GLIS3: variants seen among roughly 807,000 people sequenced by gnomAD.
The protein encoded by GLIS3 is zinc finger protein GLIS3.
A neutral mutation model predicts 78.6 loss-of-function variants in GLIS3; 53 were observed. The ratio of observed to expected loss-of-function variants is 0.67; its 90% CI spans 0.54 to 0.85. The LOEUF is 0.85. GLIS3 is among the 40% of genes least tolerant of loss of function. GLIS3 has a pLI of 0.00. For missense variants in GLIS3, 1,703 were observed against 1,231.1 expected, an observed-to-expected ratio of 1.38 and a Z score of -5.74; for synonymous variants, 684 against 509.9, an observed-to-expected ratio of 1.34 and a Z score of -4.60.
intron 7 of GLIS3, among the ~76,000 whole-genome samples, chr9:3,892,208 C>T (rs1822506532): frequency 6.6e-6 from 1 of 151,968 alleles, no homozygotes; most frequent in Non-Finnish European, 1.5e-5. Context: ...CAGGAGCAAA[C>T]CCAGGTCACA....
At chr9:4,374,016 G>A in the GLIS3 span, among the ~76,000 whole-genome samples, 1 of 152,022 alleles carries the variant, frequency 6.6e-6, no homozygotes, top group East Asian at 1.9e-4. Context: ...TTCATACATG[G>A]GCACCTTTTT....
chr9:4,060,831 T>G (rs1007449150), intron 4 of GLIS3, among the ~76,000 whole-genome samples: 1 of 152,196 alleles, frequency 6.6e-6, no homozygotes, highest in Non-Finnish European at 1.5e-5. Flanking sequence ...GACATATTAA[T>G]TTATTCTTCT....
the GLIS3 span, among the ~76,000 whole-genome samples, chr9:4,471,364 G>C: frequency 6.6e-6 from 1 of 152,152 alleles, no homozygotes; most frequent in African/African-American, 2.4e-5. Context: ...TATACTGCCA[G>C]GCTACAGTAA....
chr9:4,321,285 G>T (rs1297932183), intron 2 of GLIS3, among the ~76,000 whole-genome samples: 3 of 131,342 alleles, frequency 2.3e-5, no homozygotes, highest in Non-Finnish European at 4.6e-5. Flanking sequence ...AGCCGGGAGT[G>T]GTGGCGGGCG....
chr9:4,356,318 T>C, the GLIS3 span, among the ~76,000 whole-genome samples: 6 of 152,202 alleles, frequency 3.9e-5, no homozygotes, highest in African/African-American at 1.2e-4. Flanking sequence ...AGTGTCTTTC[T>C]TTTGCATCAC....
intron 9 of GLIS3, among the ~76,000 whole-genome samples, chr9:3,854,930 T>C (rs1819668312): frequency 6.6e-6 from 1 of 152,224 alleles, no homozygotes; most frequent in Non-Finnish European, 1.5e-5. Flanking sequence ...ATTTGCATAT[T>C]GATTTAGATT....
intron 2 of GLIS3, among the ~76,000 whole-genome samples, chr9:4,257,674 G>C (rs199576997): frequency 6.6e-6 from 1 of 151,792 alleles, no homozygotes. Flanking sequence ...CCCGGGTTCA[G>C]GCCATTCCCC....
the GLIS3 span, among the ~76,000 whole-genome samples, chr9:4,384,910 A>C: frequency 6.6e-6 from 1 of 151,944 alleles, no homozygotes; most frequent in Non-Finnish European, 1.5e-5. Flanking sequence ...GTTGCACAAC[A>C]TTGGGTCCTA....
chr9:4,422,043 T>C, the GLIS3 span, among the ~76,000 whole-genome samples: 7 of 152,220 alleles, frequency 4.6e-5, no homozygotes, highest in African/African-American at 1.4e-4. Flanking sequence ...ACCACAGACA[T>C]GTTCATATCA....
the GLIS3 span, among the ~76,000 whole-genome samples, chr9:4,429,970 T>G: frequency 1.3e-5 from 2 of 152,126 alleles, no homozygotes; most frequent in African/African-American, 2.4e-5. Context: ...GGTCACATAA[T>G]GGTAGATCTA....
the GLIS3 span, among the ~76,000 whole-genome samples, chr9:4,472,538 A>C: frequency 0.34 from 51,634 of 150,638 alleles, 10,053 homozygotes; most frequent in Middle Eastern, 0.49. Flanking sequence ...ATTCTCACTC[A>C]TAAGTGGGAA....
the GLIS3 span, among the ~76,000 whole-genome samples, chr9:4,409,453 A>G: frequency 6.6e-6 from 1 of 152,194 alleles, no homozygotes; most frequent in Non-Finnish European, 1.5e-5. Flanking sequence ...TCCAAACATC[A>G]CCTTACTAGT....
At chr9:4,194,831 C>T (rs992325906) in intron 2 of GLIS3, among the ~76,000 whole-genome samples, 1 of 152,178 alleles carries the variant, frequency 6.6e-6, no homozygotes, top group Non-Finnish European at 1.5e-5. Flanking sequence ...CTTAGGGAGA[C>T]GCTTGAAGAT....
At chr9:4,296,753 G>A (rs142769567) in intron 1 of GLIS3, among the ~76,000 whole-genome samples, 16 of 152,050 alleles carry the variant, frequency 1.1e-4, no homozygotes, top group African/African-American at 3.9e-4. Context: ...AAGGACAGGT[G>A]TTTTGAAAAT....
the GLIS3 span, among the ~76,000 whole-genome samples, chr9:4,386,106 C>T: frequency 3.9e-5 from 6 of 152,158 alleles, no homozygotes; most frequent in Non-Finnish European, 7.3e-5. Context: ...GGATTATTCC[C>T]TTTATTGTAA....
chr9:4,359,873 G>C, the GLIS3 span, among the ~76,000 whole-genome samples: 5 of 151,712 alleles, frequency 3.3e-5, no homozygotes, highest in South Asian at 8.3e-4. Flanking sequence ...TTCTTCCTTT[G>C]TTCTATGCTG....
chr9:3,883,047 C>CA (rs1821840476), intron 7 of GLIS3, among the ~76,000 whole-genome samples: 1 of 152,142 alleles, frequency 6.6e-6, no homozygotes, highest in African/African-American at 2.4e-5. Flanking sequence ...CAGACACAAG[C>CA]ATGCTTTCCA....
the GLIS3 span, among the ~76,000 whole-genome samples, chr9:4,459,943 G>C: frequency 2.0e-5 from 3 of 152,230 alleles, no homozygotes; most frequent in Non-Finnish European, 4.4e-5. Flanking sequence ...GTGGGGGAGA[G>C]GGAATGACAC....
chr9:4,192,878 C>T (rs1361236151), intron 2 of GLIS3, among the ~76,000 whole-genome samples: 2 of 151,676 alleles, frequency 1.3e-5, no homozygotes, highest in African/African-American at 2.4e-5. Context: ...AAATGGGAGA[C>T]ACTCCAGGAA....
Sources: allele counts gnomAD v4.1 joint callset (sites outside exome capture counted in the v4.1 genomes callset), GRCh38; gene constraint gnomAD v4.1.1; transcripts MANE v1.5; gene names NCBI Gene and HGNC (gene_info 2026-07-23, HGNC 2026-07-21).